GABRB2: variants seen among roughly 807,000 people sequenced by gnomAD.
GABRB2 encodes the protein gamma-aminobutyric acid receptor subunit beta-2.
GABRB2 carries 16 observed loss-of-function variants against 54.7 expected under a neutral mutation model. The observed-to-expected ratio is 0.29, with a 90% CI of 0.20 to 0.44. The LOEUF (loss-of-function observed/expected upper bound fraction) is 0.44. Ranked by LOEUF, GABRB2 falls within the 20% of genes least tolerant of loss-of-function variation. GABRB2 has a pLI of 1.00. For synonymous variants in GABRB2, 244 were observed against 233.8 expected, an observed-to-expected ratio of 1.04 and a Z score of -0.40; for missense variants, 355 against 644.0, an observed-to-expected ratio of 0.55 and a Z score of 4.86.
At chr5:161,427,902 T>C (rs1415027135) in intron 4 of GABRB2, among the ~76,000 whole-genome samples, 2 of 152,174 alleles carry the variant, frequency 1.3e-5, no homozygotes, top group Admixed American at 1.3e-4. Context: ...CACTACAACA[T>C]TGCTAATGAG....
intron 5 of GABRB2, among the ~76,000 whole-genome samples, chr5:161,344,621 G>A (rs1387158270): frequency 1.3e-5 from 2 of 151,986 alleles, no homozygotes; most frequent in African/African-American, 4.8e-5. Flanking sequence ...ATTAACCATT[G>A]TGGGAGACAG....
chr5:161,317,405 C>G (rs1758074777), intron 9 of GABRB2, among the ~76,000 whole-genome samples: 1 of 152,146 alleles, frequency 6.6e-6, no homozygotes, highest in Non-Finnish European at 1.5e-5. Context: ...AATGTAACCA[C>G]TGGGGAAAAG....
intron 4 of GABRB2, among the ~76,000 whole-genome samples, chr5:161,418,376 T>C (rs1229375442): frequency 1.3e-5 from 2 of 152,188 alleles, no homozygotes; most frequent in East Asian, 3.9e-4. Flanking sequence ...ATATACTGTC[T>C]TCTAAGTTAT....
At chr5:161,379,785 A>G (rs1333947154) in intron 5 of GABRB2, among the ~76,000 whole-genome samples, 1 of 152,092 alleles carries the variant, frequency 6.6e-6, no homozygotes, top group Non-Finnish European at 1.5e-5. Flanking sequence ...GGTTTAACAC[A>G]TGTTAAATTG....
intron 3 of GABRB2, among the ~76,000 whole-genome samples, chr5:161,513,056 G>GAAAAAAAAAAAAAAAAA (rs755660749): frequency 1.5e-5 from 2 of 135,934 alleles, no homozygotes; most frequent in African/African-American, 5.4e-5. Context: ...AAAGAAAAAA[G>GAAAAAAAAAAAAAAAAA]AAAAAAAAAA....
intron 3 of GABRB2, among the ~76,000 whole-genome samples, chr5:161,465,427 T>A (rs1160409895): frequency 1.3e-5 from 2 of 152,144 alleles, no homozygotes; most frequent in African/African-American, 4.8e-5. Context: ...TTTCTAGGGA[T>A]GAAATAATTC....
In GABRB2 at chr5:161,343,494, C is replaced by A. The variant is rs556079293; in HGVS notation, c.542-6725G>T. On this transcript the variant is annotated intron_variant, in intron 5 of 9. Coordinates refer to ENST00000393959, the MANE Select transcript of GABRB2 (RefSeq NM_001371727.1). Reference sequence around the variant, plus strand: ...AAAGACCATATATCTATTAAAATTCCAATGCAAAACTGTGTATTTGTTGTC... The same window carrying A: ...AAAGACCATATATCTATTAAAATTCAAATGCAAAACTGTGTATTTGTTGTC... Among the ~76,000 whole-genome samples, 6 of 152,004 alleles carry A rather than the reference C, an allele frequency of 3.9e-5. No individual in the cohort carries two copies. In the East Asian group the frequency reaches 1.2e-3, roughly 30 times the overall value.
chr5:161,453,960 C>A (rs1224314038), intron 4 of GABRB2, among the ~76,000 whole-genome samples: 1 of 151,522 alleles, frequency 6.6e-6, no homozygotes, highest in African/African-American at 2.4e-5. Flanking sequence ...ATTGCTTGAA[C>A]CCGGGAGGCA....
In GABRB2 at chr5:161,290,285, A is replaced by G. The variant is rs896411615; in HGVS notation, c.*3796T>C. The G allele has an allele frequency of 3.3e-5, 5 of 150,390 alleles. No individual in the cohort carries two copies. The highest frequency in any genetic ancestry group is 5.9e-5 in the Non-Finnish European group (4 of 67,406). The allele number at this position is 150,390 out of a possible 1,614,324, so 9.3% of individuals were successfully genotyped here. A position where few individuals can be genotyped will look rare whatever the true frequency, so the allele number is the denominator to read the frequency against. The stretch of plus-strand genomic sequence containing the variant: ...CTTCCTCTTTGGAGGAATTTTTATC[A>G]TTTTTCATTTTCTTAAGACATGTTT... On this transcript the variant is annotated 3_prime_UTR_variant, in exon 10 of 10. Coordinates refer to ENST00000393959, the MANE Select transcript of GABRB2 (RefSeq NM_001371727.1).
At chr5:161,331,518 A>G (rs1753839564) in intron 7 of GABRB2, among the ~76,000 whole-genome samples, 1 of 152,138 alleles carries the variant, frequency 6.6e-6, no homozygotes, top group East Asian at 1.9e-4. Context: ...TTTCTGAAAA[A>G]TGAGTGAAAG....
intron 3 of GABRB2, among the ~76,000 whole-genome samples, chr5:161,507,564 A>G (rs1428775139): frequency 6.6e-6 from 1 of 152,096 alleles, no homozygotes; most frequent in Non-Finnish European, 1.5e-5. Context: ...GTAAAAATAT[A>G]TGTGTGTACA....
chr5:161,384,448 A>C (rs1755562036), intron 5 of GABRB2, among the ~76,000 whole-genome samples: 1 of 152,150 alleles, frequency 6.6e-6, no homozygotes, highest in African/African-American at 2.4e-5. Flanking sequence ...TTAAGACAGA[A>C]AAGTGGAGAT....
intron 3 of GABRB2, among the ~76,000 whole-genome samples, chr5:161,485,280 T>C (rs1758885012): frequency 6.6e-6 from 1 of 151,980 alleles, no homozygotes; most frequent in Non-Finnish European, 1.5e-5. Flanking sequence ...TTGTAATTTC[T>C]AATTTGCTAT....
At chr5:161,515,445 C>A (rs1000164621) in intron 3 of GABRB2, among the ~76,000 whole-genome samples, 1 of 151,886 alleles carries the variant, frequency 6.6e-6, no homozygotes, top group Non-Finnish European at 1.5e-5. Flanking sequence ...CTATGAGAAA[C>A]TCAATTTTAC....
intron 3 of GABRB2, among the ~76,000 whole-genome samples, chr5:161,468,259 C>T (rs1443609846): frequency 6.6e-6 from 1 of 152,070 alleles, no homozygotes; most frequent in African/African-American, 2.4e-5. Flanking sequence ...AAGCTTATTA[C>T]GATGGCCTTT....
Position 161,411,104 on chromosome 5 carries a change from T to G in GABRB2, c.459-47A>C, listed in dbSNP as rs750458756. The G allele has an allele frequency of 4.2e-6, 6 of 1,422,960 alleles. No homozygotes were observed. In the South Asian group the frequency reaches 7.0e-5, roughly 17 times the overall value. The allele number at this position is 1,422,960 out of a possible 1,614,324, so 88.1% of individuals were successfully genotyped here. A position where few individuals can be genotyped will look rare whatever the true frequency, so the allele number is the denominator to read the frequency against. On this transcript the variant is annotated intron_variant, in intron 4 of 9. Transcript: ENST00000393959. ...TGAGTGTTGTTAGCAGGTCTAAGGC[T>G]GGAGCTGGAAATTTAAATCTAAGTA...
At chr5:161,367,737 GTCA>G (rs1177069311) in intron 5 of GABRB2, among the ~76,000 whole-genome samples, 2 of 152,032 alleles carry the variant, frequency 1.3e-5, no homozygotes, top group African/African-American at 4.8e-5. Context: ...CACTTTGAGT[GTCA>G]AAAAATGTTA....
chr5:161,409,896 T>C (rs1232276270), intron 5 of GABRB2, among the ~76,000 whole-genome samples: 1 of 152,170 alleles, frequency 6.6e-6, no homozygotes, highest in Non-Finnish European at 1.5e-5. Context: ...AAAATAATGA[T>C]GATTTGAAAT....
intron 4 of GABRB2, among the ~76,000 whole-genome samples, chr5:161,456,617 T>C (rs903522216): frequency 1.3e-5 from 2 of 152,182 alleles, no homozygotes; most frequent in Non-Finnish European, 2.9e-5. Flanking sequence ...TGTCAGCAAG[T>C]TCCCTCATTT....
Sources: gnomAD v4.1 joint callset for allele counts (sites outside exome capture counted in the v4.1 genomes callset) on GRCh38, gnomAD v4.1.1 for gene constraint, MANE v1.5 for transcripts, NCBI Gene and HGNC (gene_info 2026-07-23, HGNC 2026-07-21) for gene names.